Variants in FAM168B observed in about 807,000 individuals in gnomAD.
The protein encoded by FAM168B is myelin-associated neurite-outgrowth inhibitor.
Under a neutral mutation model 21.8 loss-of-function variants are expected in FAM168B, and 19 were observed. The ratio of observed to expected loss-of-function variants is 0.87; its 90% CI spans 0.61 to 1.28. The LOEUF (loss-of-function observed/expected upper bound fraction) is 1.28, where lower values mean the gene tolerates loss of function less well. Ranked by LOEUF, FAM168B falls within the 50% of genes most tolerant of loss-of-function variation. FAM168B has a pLI of 0.00. For missense variants in FAM168B, 233 were observed against 263.1 expected (o/e 0.89, Z 0.79); for synonymous variants, 126 against 104.8 (o/e 1.20, Z -1.24).
chr2:131,082,763 A>G (rs1261386069), intron 1 of FAM168B, 106 bp from the exon 2 acceptor site: 4 of 666,238 alleles, frequency 6.0e-6, no homozygotes, highest in Non-Finnish European at 1.0e-5. Context: ...CTAGGCTGCT[A>G]TAAAACAATG....
intron 5 of FAM168B, among the ~76,000 whole-genome samples, chr2:131,053,751 T>TA (rs1248456302): frequency 1.3e-5 from 2 of 152,018 alleles, no homozygotes; most frequent in Non-Finnish European, 2.9e-5. Context: ...GTAGCATACT[T>TA]ATAGTCCCAG....
chr2:131,092,567 G>C (rs1694088498), intron 1 of FAM168B, among the ~76,000 whole-genome samples: 1 of 152,060 alleles, frequency 6.6e-6, no homozygotes, highest in Non-Finnish European at 1.5e-5. Context: ...AAATATTCTT[G>C]TTTGACTTTA....
At chr2:131,057,132 T>C (rs903872523) in intron 3 of FAM168B, among the ~76,000 whole-genome samples, 2 of 152,120 alleles carry the variant, frequency 1.3e-5, no homozygotes, top group African/African-American at 4.8e-5. Flanking sequence ...TGTCAGACAG[T>C]GCAACTTTGC....
At chr2:131,069,494 CTTT>C (rs906511579) in intron 3 of FAM168B, among the ~76,000 whole-genome samples, 3 of 151,820 alleles carry the variant, frequency 2.0e-5, no homozygotes, top group Non-Finnish European at 4.4e-5. Flanking sequence ...GTTTCTTTCT[CTTT>C]TGTTTTTTTT....
chr2:131,083,759 A>T (rs1180800237), intron 1 of FAM168B, among the ~76,000 whole-genome samples: 1 of 152,232 alleles, frequency 6.6e-6, no homozygotes, highest in African/African-American at 2.4e-5. Flanking sequence ...CTATGTGTAT[A>T]AAAATGTGCA....
chr2:131,063,866 C>T (rs561978013), intron 3 of FAM168B, among the ~76,000 whole-genome samples: 1 of 148,600 alleles, frequency 6.7e-6, no homozygotes, highest in South Asian at 2.1e-4. Flanking sequence ...TGCTTGCCAC[C>T]TTTTTTTTTT....
chr2:131,056,519 T>G (rs907526835), intron 3 of FAM168B, among the ~76,000 whole-genome samples: 1 of 151,954 alleles, frequency 6.6e-6, no homozygotes, highest in African/African-American at 2.4e-5. Flanking sequence ...AGAGACCCCA[T>G]CTAGTAGAGT....
chr2:131,052,895 G>C lies in FAM168B; in HGVS notation c.*8C>G, dbSNP rs1019946206. ...CAGCCTTCCCTGGTCACTTACATTT[G>C]CAGGTGATCACCACTGAGGGGGCAC... On this transcript the variant is annotated 3_prime_UTR_variant, in exon 6 of 7. Transcript: ENST00000389915. 12 of 1,552,274 alleles carry C rather than the reference G, an allele frequency of 7.7e-6. No homozygotes were observed. The highest frequency in any genetic ancestry group is 9.6e-6 in the Non-Finnish European group (11 of 1,147,124).
At chr2:131,079,222 A>C (rs1402212999) in intron 2 of FAM168B, among the ~76,000 whole-genome samples, 4 of 152,316 alleles carry the variant, frequency 2.6e-5, no homozygotes, top group African/African-American at 9.6e-5. Flanking sequence ...TCAGGCCTGT[A>C]ATCCCAGCAC....
intron 1 of FAM168B, among the ~76,000 whole-genome samples, 175 bp from the exon 2 acceptor site, chr2:131,082,832 G>A (rs1693486640): frequency 6.6e-6 from 1 of 152,114 alleles, no homozygotes; most frequent in Admixed American, 6.6e-5. Context: ...TGTCCTAATG[G>A]GTGCCAAACC....
intron 2 of FAM168B, among the ~76,000 whole-genome samples, chr2:131,075,292 T>G (rs927877053): frequency 6.7e-6 from 1 of 149,044 alleles, no homozygotes; most frequent in African/African-American, 2.5e-5. Flanking sequence ...AAAAAAAAAG[T>G]TTCAACTACC....
intron 2 of FAM168B, 89 bp from the exon 3 acceptor site, chr2:131,072,027 T>G (rs1236965139): frequency 1.8e-6 from 2 of 1,136,104 alleles, no homozygotes; most frequent in Non-Finnish European, 2.6e-6. Context: ...CTTACCTTCT[T>G]CCCCAGAACT....
At chr2:131,066,965 G>A (rs1692593694) in intron 3 of FAM168B, among the ~76,000 whole-genome samples, 1 of 152,172 alleles carries the variant, frequency 6.6e-6, no homozygotes, top group African/African-American at 2.4e-5. Flanking sequence ...CACAATCATG[G>A]TGGAAGGCAA....
chr2:131,068,874 A>T (rs1047328638), intron 3 of FAM168B, among the ~76,000 whole-genome samples: 1 of 152,048 alleles, frequency 6.6e-6, no homozygotes, highest in Non-Finnish European at 1.5e-5. Flanking sequence ...AAATTAGCCG[A>T]GTGTGGTGGT....
Position 131,055,461 on chromosome 2 carries a change from A to C in FAM168B, c.298-12T>G. 1 of 1,605,614 alleles carries C rather than the reference A, an allele frequency of 6.2e-7. No homozygotes were observed. The highest frequency in any genetic ancestry group is 8.5e-7 in the Non-Finnish European group (1 of 1,177,650). ...TAGTACGTGCCTTGCTGTGGGGAGAAGAGAGACAACTGACACAGGGTCCCA... is the reference window on the plus strand; with the variant it reads ...TAGTACGTGCCTTGCTGTGGGGAGACGAGAGACAACTGACACAGGGTCCCA... On this transcript the variant is annotated splice_polypyrimidine_tract_variant and intron_variant, in intron 4 of 6. Coordinates refer to ENST00000389915, the MANE Select transcript of FAM168B (RefSeq NM_001009993.4).
chr2:131,079,370 G>A (rs1693321647), intron 2 of FAM168B, among the ~76,000 whole-genome samples: 1 of 152,232 alleles, frequency 6.6e-6, no homozygotes, highest in Non-Finnish European at 1.5e-5. Flanking sequence ...AGCTGCTCAG[G>A]AGGCTGAGGC....
At position 131,053,035 on chromosome 2, in the gene FAM168B, A is replaced by G; in HGVS notation, c.476-20T>C. 6.5e-7 allele frequency: 1 copy of G among 1,543,868 alleles called. No homozygotes were observed. Among genetic ancestry groups the G allele is most frequent in the Non-Finnish European group, 8.7e-7 (1 of 1,143,744 alleles). ...GGGTACCTGGAAGAAAGAGCAGCAC[A>G]TGACATGAGGCTGACCTCCTGCACA... On this transcript the variant is annotated intron_variant, in intron 5 of 6. Transcript: ENST00000389915.
chr2:131,072,746 C>T (rs758788722), intron 2 of FAM168B, among the ~76,000 whole-genome samples: 3 of 152,166 alleles, frequency 2.0e-5, no homozygotes, highest in South Asian at 2.1e-4. Context: ...CATAAGCCAC[C>T]GCGCCAAGCC....
In FAM168B at chr2:131,052,880, T is replaced by C; in HGVS notation, c.*12+11A>G. ...CATCAAAGGCTAGCCCAGCCTTCCC[T>C]GGTCACTTACATTTGCAGGTGATCA... On this transcript the variant is annotated intron_variant, in intron 6 of 6. Transcript: ENST00000389915. 2 of 1,548,904 alleles carry C rather than the reference T, an allele frequency of 1.3e-6. No homozygotes were observed. The highest frequency in any genetic ancestry group is 1.2e-5 in the South Asian group (1 of 83,966).
Sources: gnomAD v4.1 joint callset for allele counts (sites outside exome capture counted in the v4.1 genomes callset) on GRCh38, gnomAD v4.1.1 for gene constraint, MANE v1.5 for transcripts, NCBI Gene and HGNC (gene_info 2026-07-23, HGNC 2026-07-21) for gene names.